Variants in ZMYND8 observed in about 807,000 individuals in gnomAD.
The protein encoded by ZMYND8 is MYND-type zinc finger-containing chromatin reader ZMYND8.
In ZMYND8, 37 loss-of-function variants were observed where a neutral mutation model predicts 140.8. The ratio of observed to expected loss-of-function variants is 0.26; its 90% CI spans 0.20 to 0.35. The LOEUF is 0.35. ZMYND8 is among the 10% of genes least tolerant of loss of function. ZMYND8 has a pLI of 1.00. For missense variants in ZMYND8, 1,068 were observed against 1,570.0 expected, an observed-to-expected ratio of 0.68 and a Z score of 5.40; for synonymous variants, 592 against 597.1, an observed-to-expected ratio of 0.99 and a Z score of 0.12.
chr20:47,211,836 G>C (rs145343458), intron 22 of ZMYND8, among the ~76,000 whole-genome samples: 9 of 152,230 alleles, frequency 5.9e-5, no homozygotes, highest in South Asian at 4.1e-4. Context: ...TACTACCTAG[G>C]GGGGCTGCAT....
chr20:47,343,262 G>A (rs938419974), intron 2 of ZMYND8, among the ~76,000 whole-genome samples: 1 of 152,216 alleles, frequency 6.6e-6, no homozygotes, highest in Non-Finnish European at 1.5e-5. Flanking sequence ...TCCAGCCTGG[G>A]CAGCAGAACG....
chr20:47,245,953 C>T (rs933051518), intron 14 of ZMYND8, 55 bp downstream of exon 14: 28 of 1,529,756 alleles, frequency 1.8e-5, no homozygotes, highest in South Asian at 5.3e-5. Flanking sequence ...AGTAAGTGTA[C>T]GAGGTAGGAT....
At chr20:47,244,413 C>A (rs554478175) in intron 14 of ZMYND8, among the ~76,000 whole-genome samples, 12 of 152,284 alleles carry the variant, frequency 7.9e-5, no homozygotes, top group Non-Finnish European at 1.5e-4. Context: ...AATTGCCAAG[C>A]CAACTCAAAA....
intron 2 of ZMYND8, among the ~76,000 whole-genome samples, chr20:47,318,265 GC>G (rs1453806780): frequency 2.6e-5 from 4 of 152,140 alleles, no homozygotes; most frequent in African/African-American, 9.7e-5. Context: ...GCAGAGGCCT[GC>G]TCTACAGCCC....
At chr20:47,247,731 A>G (rs2040740257) in intron 13 of ZMYND8, among the ~76,000 whole-genome samples, 1 of 152,242 alleles carries the variant, frequency 6.6e-6, no homozygotes, top group Non-Finnish European at 1.5e-5. Flanking sequence ...GAAACCTGCA[A>G]AAATACCAGA....
At chr20:47,282,490 C>T (rs117788730) in intron 9 of ZMYND8, among the ~76,000 whole-genome samples, 2,837 of 152,114 alleles carry the variant, frequency 0.019, 32 homozygotes, top group Middle Eastern at 0.048. Context: ...TTTGGAAAGC[C>T]AATGCGGGTG....
At chr20:47,281,613 CA>C (rs1461501937) in intron 10 of ZMYND8, among the ~76,000 whole-genome samples, 1 of 152,090 alleles carries the variant, frequency 6.6e-6, no homozygotes, top group Non-Finnish European at 1.5e-5. Context: ...TCACACCTGT[CA>C]AAACAGCAAC....
intron 1 of ZMYND8, chr20:47,350,047 A>G (rs2082644010): frequency 6.9e-7 from 1 of 1,442,052 alleles, no homozygotes; most frequent in Non-Finnish European, 9.1e-7. Flanking sequence ...CTGAGTTTTA[A>G]GATAATCAAT....
chr20:47,316,389 A>G (rs1442464217), intron 2 of ZMYND8, among the ~76,000 whole-genome samples: 2 of 151,562 alleles, frequency 1.3e-5, no homozygotes, highest in East Asian at 1.9e-4. Flanking sequence ...CCTGTGATCC[A>G]CCAGAAATCA....
intron 3 of ZMYND8, among the ~76,000 whole-genome samples, chr20:47,302,278 C>T (rs1181422734): frequency 6.6e-6 from 1 of 152,038 alleles, no homozygotes. Flanking sequence ...AGTTCCAGAC[C>T]AGCCTAGGCA....
intron 16 of ZMYND8, among the ~76,000 whole-genome samples, chr20:47,235,767 A>G (rs2039158012): frequency 6.6e-6 from 1 of 151,780 alleles, no homozygotes; most frequent in Non-Finnish European, 1.5e-5. Context: ...GTGCTGAGAC[A>G]GTTCCCATGA....
intron 11 of ZMYND8, among the ~76,000 whole-genome samples, chr20:47,273,478 G>A (rs1028410146): frequency 3.3e-5 from 5 of 152,154 alleles, no homozygotes; most frequent in African/African-American, 1.2e-4. Context: ...CCCAGGAGGT[G>A]GAGGTTGCAG....
At chr20:47,331,715 G>A (rs1173847357) in intron 2 of ZMYND8, among the ~76,000 whole-genome samples, 1 of 152,152 alleles carries the variant, frequency 6.6e-6, no homozygotes, top group Admixed American at 6.5e-5. Context: ...GAAGGCAAAG[G>A]AAGAGAGAGT....
In ZMYND8 at chr20:47,283,686, G is replaced by C. The variant is rs574723687; in HGVS notation, c.805-38C>G. On this transcript the variant is annotated intron_variant, in intron 8 of 22. Transcript: ENST00000471951. ...AATACATTAGAATGTGTCACCCCAG[G>C]GGTGGATATCTTGTGGACCTCAATC... The C allele has an allele frequency of 1.7e-5, 27 of 1,598,566 alleles. No homozygotes were observed. In the South Asian group the frequency reaches 2.2e-4, roughly 13 times the overall value.
At chr20:47,349,608 CA>C (rs1253290449) in intron 1 of ZMYND8, among the ~76,000 whole-genome samples, 4 of 152,184 alleles carry the variant, frequency 2.6e-5, no homozygotes, top group African/African-American at 7.2e-5. Flanking sequence ...ACTGGAAATA[CA>C]TCTTAACAAA....
intron 11 of ZMYND8, among the ~76,000 whole-genome samples, chr20:47,270,393 G>GT (rs11416203): frequency 0.91 from 122,168 of 133,806 alleles, 55,802 homozygotes; most frequent in East Asian, 0.98. Context: ...AAAAAAAAAA[G>GT]TTTTTTTAAT....
At chr20:47,273,883 C>T (rs1225477236) in intron 11 of ZMYND8, among the ~76,000 whole-genome samples, 1 of 152,208 alleles carries the variant, frequency 6.6e-6, no homozygotes, top group Admixed American at 6.5e-5. Flanking sequence ...GAAAAGGGGG[C>T]AATTTGTAAG....
chr20:47,234,028 A>C (rs2038893852), intron 16 of ZMYND8, among the ~76,000 whole-genome samples: 1 of 152,184 alleles, frequency 6.6e-6, no homozygotes, highest in Admixed American at 6.5e-5. Context: ...TAAGCCTGTC[A>C]CTTCCATCTT....
Position 47,261,865 on chromosome 20 carries a change from G to A in ZMYND8, c.1621+423C>T, listed in dbSNP as rs557257769. 1.5e-3 allele frequency among the ~76,000 whole-genome samples: 230 copies of A among 152,102 alleles called. 3 individuals carry two copies. The highest frequency in any genetic ancestry group is 5.3e-3 in the African/African-American group (221 of 41,480). On this transcript the variant is annotated intron_variant, in intron 12 of 22. Transcript: ENST00000471951. ...GGTGGGTGGATCACCTGAGGTCGGG[G>A]TTTGAGACCAGCCTGGCCAACATGG...
Sources: gnomAD v4.1 joint callset for allele counts (sites outside exome capture counted in the v4.1 genomes callset) on GRCh38, gnomAD v4.1.1 for gene constraint, MANE v1.5 for transcripts, NCBI Gene and HGNC (gene_info 2026-07-23, HGNC 2026-07-21) for gene names.